The following ACSF3 variants were observed in gnomAD, a reference collection of about 807,000 sequenced individuals.
ACSF3 encodes acyl-CoA synthetase family member 3, also known as malonate--CoA ligase ACSF3, mitochondrial.
ACSF3 carries 78 observed loss-of-function variants against 53.2 expected under a neutral mutation model. That is an observed-to-expected ratio of 1.47 (90% CI 1.22 to 1.77). The LOEUF is 1.77. Among genes scored for constraint, ACSF3 ranks in the 40% most tolerant of loss-of-function variants. ACSF3 has a pLI of 0.00. For missense variants in ACSF3, 937 were observed against 771.1 expected (o/e 1.22, Z -2.55); for synonymous variants, 414 against 333.1 (o/e 1.24, Z -2.65).
chr16:89,120,764 C>G, intron 6 of ACSF3, 37 bp from the exon 7 acceptor site: 1 of 1,598,250 alleles, frequency 6.3e-7, no homozygotes, highest in East Asian at 2.2e-5. Context: ...GTTCCTCTCA[C>G]TCCAGCCTCC....
At chr16:89,131,258 T>C (rs912733074) in intron 7 of ACSF3, among the ~76,000 whole-genome samples, 3 of 150,368 alleles carry the variant, frequency 2.0e-5, no homozygotes, top group Non-Finnish European at 4.4e-5. Context: ...CCCAAGTAGC[T>C]GGGACTACAA....
intron 8 of ACSF3, among the ~76,000 whole-genome samples, chr16:89,137,525 A>G (rs1910837432): frequency 7.6e-6 from 1 of 132,098 alleles, no homozygotes; most frequent in Non-Finnish European, 1.6e-5. Context: ...GACCACCAGG[A>G]GCTCACGGGG....
intron 8 of ACSF3, among the ~76,000 whole-genome samples, chr16:89,143,198 G>A (rs1054670669): frequency 1.3e-5 from 2 of 151,884 alleles, no homozygotes; most frequent in East Asian, 1.9e-4. Context: ...CCTCAGTGCC[G>A]TGCGTAGCTT....
At chr16:89,110,527 T>C (rs1267953077) in intron 4 of ACSF3, among the ~76,000 whole-genome samples, 2 of 152,252 alleles carry the variant, frequency 1.3e-5, no homozygotes, top group Non-Finnish European at 2.9e-5. Context: ...TGTCTAATCT[T>C]ACACAGCATC....
In ACSF3 at chr16:89,155,038, C is replaced by G. The variant is rs925651473; in HGVS notation, c.*831C>G. On this transcript the variant is annotated 3_prime_UTR_variant, in exon 11 of 11. Transcript: ENST00000614302. Reference sequence around the variant, plus strand: ...GTGGCTCACCAGCTTTTCCCCAGACCCAGCTCCGGAGCCCACAGGCGTGGC... The same window carrying G: ...GTGGCTCACCAGCTTTTCCCCAGACGCAGCTCCGGAGCCCACAGGCGTGGC... 6.6e-6 allele frequency: 3 copies of G among 454,012 alleles called. No individual in the cohort carries two copies. The highest frequency in any genetic ancestry group is 1.3e-5 in the Non-Finnish European group (3 of 226,810). 28.1% of individuals were successfully genotyped at this position (454,012 alleles called of 1,614,324 possible).
chr16:89,134,175 G>A (rs986654257), intron 8 of ACSF3, among the ~76,000 whole-genome samples: 2 of 152,224 alleles, frequency 1.3e-5, no homozygotes, highest in African/African-American at 4.8e-5. Context: ...TTCCAAAATG[G>A]CGGCAGGCTG....
chr16:89,118,304 C>G (rs113945787), intron 6 of ACSF3, among the ~76,000 whole-genome samples: 8 of 152,376 alleles, frequency 5.3e-5, no homozygotes, highest in African/African-American at 1.9e-4. Flanking sequence ...GCCTTTAAAT[C>G]ACCAGCAGTG....
At chr16:89,139,685 C>T (rs535860025) in intron 8 of ACSF3, among the ~76,000 whole-genome samples, 9 of 150,866 alleles carry the variant, frequency 6.0e-5, no homozygotes, top group African/African-American at 1.7e-4. Flanking sequence ...CTCCGCCTTC[C>T]GGGTTCAAGC....
intron 7 of ACSF3, among the ~76,000 whole-genome samples, chr16:89,124,350 T>G (rs906000754): frequency 6.6e-6 from 1 of 150,828 alleles, no homozygotes; most frequent in African/African-American, 2.4e-5. Flanking sequence ...CATGTATGTG[T>G]GTGATACCCC....
At chr16:89,098,189 C>T (rs1322868325) in intron 1 of ACSF3, among the ~76,000 whole-genome samples, 1 of 152,234 alleles carries the variant, frequency 6.6e-6, no homozygotes, top group Non-Finnish European at 1.5e-5. Flanking sequence ...TTGGCTCTGA[C>T]AATTTTCATT....
intron 3 of ACSF3, 115 bp downstream of exon 3, chr16:89,101,462 A>G (rs1283554937): frequency 8.9e-5 from 137 of 1,531,104 alleles, no homozygotes; most frequent in Non-Finnish European, 1.1e-4. Flanking sequence ...CACAGTTGTC[A>G]CCATCCTGCA....
At chr16:89,115,606 C>T (rs1440420884) in intron 6 of ACSF3, among the ~76,000 whole-genome samples, 1 of 152,362 alleles carries the variant, frequency 6.6e-6, no homozygotes, top group Non-Finnish European at 1.5e-5. Flanking sequence ...GGTTTCTGTG[C>T]GAACGTGGTT....
intron 4 of ACSF3, among the ~76,000 whole-genome samples, chr16:89,105,877 T>TCAGGGCGAGAGGCAGGTGGGTGTGGG (rs1975918250): frequency 6.6e-6 from 1 of 152,202 alleles, no homozygotes; most frequent in Non-Finnish European, 1.5e-5. Flanking sequence ...TGTGTTACCC[T>TCAGGGCGAGAGGCAGGTGGGTGTGGG]CAGGGCGAGA....
chr16:89,106,482 C>T (rs981547295), intron 4 of ACSF3, among the ~76,000 whole-genome samples: 3 of 151,992 alleles, frequency 2.0e-5, no homozygotes, highest in African/African-American at 4.8e-5. Context: ...TTAGTAGAGA[C>T]GGGGTTTCAC....
chr16:89,139,594 T>G (rs1323777925), intron 8 of ACSF3, among the ~76,000 whole-genome samples: 105 of 96,832 alleles, frequency 1.1e-3, no homozygotes, highest in African/African-American at 3.9e-3. Context: ...TTTTTCTGTT[T>G]TTTTTTTTTT....
chr16:89,136,074 C>G (rs747108931), intron 8 of ACSF3, among the ~76,000 whole-genome samples: 1 of 152,260 alleles, frequency 6.6e-6, no homozygotes, highest in East Asian at 1.9e-4. Flanking sequence ...TGCGTCTGGC[C>G]GGTTCTTGTA....
At chr16:89,143,691 G>A (rs887462622) in intron 8 of ACSF3, among the ~76,000 whole-genome samples, 1 of 152,052 alleles carries the variant, frequency 6.6e-6, no homozygotes, top group Non-Finnish European at 1.5e-5. Context: ...CCTTCCAGCC[G>A]CCCAGACTAC....
At chr16:89,130,573 C>T (rs1404113315) in intron 7 of ACSF3, among the ~76,000 whole-genome samples, 1 of 151,952 alleles carries the variant, frequency 6.6e-6, no homozygotes, top group Non-Finnish European at 1.5e-5. Flanking sequence ...GAGTCTGTCT[C>T]AAAAAAATAC....
intron 8 of ACSF3, among the ~76,000 whole-genome samples, chr16:89,135,494 G>A (rs1181294160): frequency 6.6e-6 from 1 of 152,272 alleles, no homozygotes; most frequent in African/African-American, 2.4e-5. Context: ...TACCCTGGGA[G>A]GCACCTTCGT....
Sources: gnomAD v4.1 joint callset for allele counts (sites outside exome capture counted in the v4.1 genomes callset) on GRCh38, gnomAD v4.1.1 for gene constraint, MANE v1.5 for transcripts, NCBI Gene and HGNC (gene_info 2026-07-23, HGNC 2026-07-21) for gene names.